Variants in PER3 observed in about 807,000 individuals in gnomAD.
The protein encoded by PER3 is period circadian regulator 3, also known as period circadian protein homolog 3.
In PER3, 107 loss-of-function variants were observed where a neutral mutation model predicts 127.2. That is an observed-to-expected ratio of 0.84 (90% CI 0.72 to 0.99). The LOEUF (loss-of-function observed/expected upper bound fraction) is 0.99, where lower values mean the gene tolerates loss of function less well. Ranked by LOEUF, PER3 falls within the 50% of genes least tolerant of loss-of-function variation. The pLI is 0.00. For synonymous variants in PER3, 618 were observed against 585.8 expected (o/e 1.05, Z -0.79); for missense variants, 1,560 against 1,525.8 (o/e 1.02, Z -0.37).
intron 19 of PER3, among the ~76,000 whole-genome samples, chr1:7,835,517 T>C (rs906937530): frequency 2.0e-5 from 3 of 152,108 alleles, no homozygotes; most frequent in African/African-American, 4.8e-5. Context: ...GGAGCGGTTA[T>C]GGGTGATGAT....
intron 13 of PER3, among the ~76,000 whole-genome samples, chr1:7,818,578 G>C (rs2097261954): frequency 6.6e-6 from 1 of 152,050 alleles, no homozygotes; most frequent in African/African-American, 2.4e-5. Flanking sequence ...TCCTTTATTG[G>C]CTCATTGTCC....
At position 7,801,097 on chromosome 1, in the gene PER3, G is replaced by GTTTTTTT; in HGVS notation, c.794-13_794-7dup. 3 of 1,276,952 alleles carry GTTTTTTT rather than the reference G, an allele frequency of 2.3e-6. No homozygotes were observed. Among genetic ancestry groups the GTTTTTTT allele is most frequent in the Non-Finnish European group, 3.3e-6 (3 of 906,428 alleles). The allele number at this position is 1,276,952 out of a possible 1,614,324, so 79.1% of individuals were successfully genotyped here. On this transcript the variant is annotated splice_polypyrimidine_tract_variant and intron_variant, in intron 7 of 21. Transcript: ENST00000377532. ...GATATTTGCCTTTAAATGGGTCTTT[G>GTTTTTTT]TTTTTTTTTCCTTAGCTCCTCGGAT...
chr1:7,793,456 A>G (rs1462228999), intron 5 of PER3, among the ~76,000 whole-genome samples: 1 of 152,196 alleles, frequency 6.6e-6, no homozygotes, highest in African/African-American at 2.4e-5. Flanking sequence ...AAGTCATAAA[A>G]CGATTCTATC....
Position 7,820,594 on chromosome 1 carries a change from A to G in PER3, c.1911A>G (p.Gln637=), listed in dbSNP as rs372886910. 44 of 1,614,088 alleles carry G rather than the reference A, an allele frequency of 2.7e-5. No homozygotes were observed. The highest frequency in any genetic ancestry group is 8.9e-5 in the East Asian group (4 of 44,900). The part of the protein sequence containing the change: ...AMLSLGSGIS[Q]CGYSSTIVHV... The stretch of plus-strand genomic sequence containing the variant: ...TGAGCTTGGGGTCGGGCATAAGCCA[A>G]TGCGGTTACAGCAGCACCATTGTCC... Residue 637 remains glutamine, a synonymous_variant, in exon 16 of 22, where the codon CAA becomes CAG. Transcript: ENST00000377532.
rs910981169 is a variant in PER3 at position 7,844,663 on chromosome 1, T to G, written c.*1908T>G. On this transcript the variant is annotated 3_prime_UTR_variant, in exon 22 of 22. Coordinates refer to ENST00000377532, the MANE Select transcript of PER3 (RefSeq NM_001377275.1). ...ACGTTTTATGGAGTACTTGTTATAC[T>G]AGGTTTGATTTGAAACTGGTGCTTG... 6.5e-6 allele frequency: 1 copy of G among 152,846 alleles called. No homozygotes were observed. Among genetic ancestry groups the G allele is most frequent in the African/African-American group, 2.4e-5 (1 of 41,478 alleles). 9.5% of individuals were successfully genotyped at this position (152,846 alleles called of 1,614,324 possible). A position where few individuals can be genotyped will look rare whatever the true frequency, so the allele number is the denominator to read the frequency against.
intron 8 of PER3, among the ~76,000 whole-genome samples, chr1:7,802,232 A>G (rs990522734): frequency 3.3e-5 from 5 of 152,034 alleles, no homozygotes; most frequent in Admixed American, 3.3e-4. Flanking sequence ...CTGTCTGTCT[A>G]TCTGATATTA....
At chr1:7,821,612 G>A (rs542790158) in intron 16 of PER3, among the ~76,000 whole-genome samples, 5 of 152,266 alleles carry the variant, frequency 3.3e-5, no homozygotes, top group Admixed American at 3.3e-4. Flanking sequence ...CACCCAATAT[G>A]AAAAGCTCTT....
intron 3 of PER3, among the ~76,000 whole-genome samples, chr1:7,785,893 A>C (rs944171669): frequency 2.0e-5 from 3 of 152,226 alleles, no homozygotes; most frequent in African/African-American, 7.2e-5. Context: ...ATTGTCTTCT[A>C]TGGAAGTTAT....
At chr1:7,805,650 C>T (rs12092614) in intron 10 of PER3, among the ~76,000 whole-genome samples, 21,847 of 152,106 alleles carry the variant, frequency 0.14, 1,812 homozygotes, top group African/African-American at 0.16. Context: ...CCCCCAAGTA[C>T]GGAAACCTAT....
intron 3 of PER3, among the ~76,000 whole-genome samples, chr1:7,786,114 G>A (rs985970030): frequency 5.3e-5 from 8 of 152,144 alleles, no homozygotes; most frequent in Non-Finnish European, 1.0e-4. Flanking sequence ...AAATTAGCCG[G>A]GTGTGGTGGC....
Position 7,827,594 on chromosome 1 carries a change from C to T in PER3, c.2665C>T (p.Pro889Ser), listed in dbSNP as rs776196185. Reference protein sequence around the residue: ...LGATASSAISPSMSSAMSPTL... With the variant: ...LGATASSAISSSMSSAMSPTL... ...GGCGACAGCCTCTTCTGCGATATCA[C>T]CCTCAATGTCGTCAGCAATGAGTCC... The change falls in exon 18 of 22, where the codon CCC (proline) becomes TCC (serine). Residue 889 changes from proline (P) to serine (S), a missense_variant. Physicochemically the swap from Pro to Ser is moderately conservative, Grantham distance 74 (BLOSUM62 -1). This residue lies in a region of PER3 where 1,332 missense variants were observed against 1,223.6 expected (regional missense o/e 1.09). Transcript: ENST00000377532. The T allele has an allele frequency of 2.2e-5, 36 of 1,614,068 alleles. No homozygotes were observed. Among genetic ancestry groups the T allele is most frequent in the Non-Finnish European group, 2.9e-5 (34 of 1,180,014 alleles).
At chr1:7,817,684 T>G (rs2097257810) in intron 13 of PER3, among the ~76,000 whole-genome samples, 1 of 152,142 alleles carries the variant, frequency 6.6e-6, no homozygotes, top group African/African-American at 2.4e-5. Context: ...TCATGCCCCT[T>G]TTGTTTAATA....
intron 5 of PER3, among the ~76,000 whole-genome samples, chr1:7,789,594 C>T (rs1350095998): frequency 2.6e-5 from 4 of 152,174 alleles, no homozygotes. Flanking sequence ...CAGCAGCATG[C>T]AAACGGACCT....
chr1:7,792,331 C>T (rs1467898881), intron 5 of PER3, among the ~76,000 whole-genome samples: 1 of 152,170 alleles, frequency 6.6e-6, no homozygotes, highest in East Asian at 1.9e-4. Flanking sequence ...ATGACGGCAA[C>T]CACCCCCATG....
At chr1:7,839,104 T>C (rs1430792869) in intron 21 of PER3, among the ~76,000 whole-genome samples, 1 of 152,218 alleles carries the variant, frequency 6.6e-6, no homozygotes, top group Non-Finnish European at 1.5e-5. Flanking sequence ...CTGTTGTGTA[T>C]ATTGTGTAGC....
At chr1:7,820,424 T>C (rs2097270969) in intron 15 of PER3, 43 bp from the exon 16 acceptor site, 1 of 1,559,458 alleles carries the variant, frequency 6.4e-7, no homozygotes, top group Non-Finnish European at 8.7e-7. Flanking sequence ...AATTTCTCGT[T>C]GGGAATTTTT....
chr1:7,785,729 G>A (rs1292512437), intron 3 of PER3, 143 bp downstream of exon 3: 3 of 656,398 alleles, frequency 4.6e-6, no homozygotes, highest in Admixed American at 2.8e-5. Flanking sequence ...AATCTACACC[G>A]ATTCCATTCG....
chr1:7,807,456 G>A (rs1031379477), intron 10 of PER3, among the ~76,000 whole-genome samples: 1 of 152,128 alleles, frequency 6.6e-6, no homozygotes, highest in African/African-American at 2.4e-5. Context: ...TCTGCCTTTG[G>A]GAAACTGTTT....
intron 19 of PER3, among the ~76,000 whole-genome samples, chr1:7,835,376 A>G (rs2097353168): frequency 6.6e-6 from 1 of 152,228 alleles, no homozygotes; most frequent in Non-Finnish European, 1.5e-5. Context: ...AGGTATTGCA[A>G]GGTGTGTTAC....
Sources: allele counts gnomAD v4.1 joint callset (sites outside exome capture counted in the v4.1 genomes callset), GRCh38; gene constraint gnomAD v4.1.1; regional missense constraint gnomAD v4.1.1; transcripts MANE v1.5; gene names NCBI Gene and HGNC (gene_info 2026-07-23, HGNC 2026-07-21).